Variants in CAMKMT observed in about 807,000 individuals in gnomAD.
The protein encoded by CAMKMT is CaM KMT.
In CAMKMT, 53 loss-of-function variants were observed where a neutral mutation model predicts 48.0. That is an observed-to-expected ratio of 1.10 (90% CI 0.89 to 1.39). The LOEUF is 1.39. Among genes scored for constraint, CAMKMT ranks in the 40% most tolerant of loss-of-function variants. CAMKMT has a pLI of 0.00. For synonymous variants in CAMKMT, 165 were observed against 152.3 expected, an observed-to-expected ratio of 1.08 and a Z score of -0.61; for missense variants, 428 against 402.7, an observed-to-expected ratio of 1.06 and a Z score of -0.54.
At chr2:44,770,666 G>C (rs926192387) in intron 10 of CAMKMT, among the ~76,000 whole-genome samples, 2 of 151,996 alleles carry the variant, frequency 1.3e-5, no homozygotes, top group African/African-American at 4.8e-5. Flanking sequence ...TATTTACAGT[G>C]GTAAGTCCCG....
At chr2:44,371,014 C>T (rs140485882) in intron 1 of CAMKMT, among the ~76,000 whole-genome samples, 16 of 152,194 alleles carry the variant, frequency 1.1e-4, no homozygotes, top group East Asian at 1.9e-4. Flanking sequence ...GGCAGAGTCT[C>T]GCTGTTGTCA....
At chr2:44,544,417 G>A (rs1667284482) in intron 3 of CAMKMT, among the ~76,000 whole-genome samples, 1 of 152,178 alleles carries the variant, frequency 6.6e-6, no homozygotes, top group African/African-American at 2.4e-5. Context: ...TGAATACAGT[G>A]TTAATTAAGC....
At chr2:44,639,871 A>G (rs1673353409) in intron 3 of CAMKMT, among the ~76,000 whole-genome samples, 1 of 152,202 alleles carries the variant, frequency 6.6e-6, no homozygotes, top group Non-Finnish European at 1.5e-5. Flanking sequence ...CACATAATGC[A>G]TTTGTAAATA....
chr2:44,410,680 AAT>A (rs1683143362), intron 3 of CAMKMT, among the ~76,000 whole-genome samples: 1 of 152,172 alleles, frequency 6.6e-6, no homozygotes, highest in Non-Finnish European at 1.5e-5. Flanking sequence ...CCTGTTCTTT[AAT>A]ATGCTAAAAG....
chr2:44,573,325 G>A (rs966950069), intron 3 of CAMKMT, among the ~76,000 whole-genome samples: 1 of 151,726 alleles, frequency 6.6e-6, no homozygotes, highest in Non-Finnish European at 1.5e-5. Flanking sequence ...ATTATGAGTA[G>A]TAATGTCTTG....
intron 3 of CAMKMT, among the ~76,000 whole-genome samples, chr2:44,498,726 T>G (rs913360942): frequency 6.6e-6 from 1 of 152,228 alleles, no homozygotes; most frequent in Non-Finnish European, 1.5e-5. Flanking sequence ...TTTCAGTGAT[T>G]TAATTCCCCT....
At chr2:44,615,893 C>A (rs571574289) in intron 3 of CAMKMT, among the ~76,000 whole-genome samples, 13 of 152,078 alleles carry the variant, frequency 8.5e-5, no homozygotes, top group Non-Finnish European at 1.8e-4. Flanking sequence ...GACATGCAGG[C>A]ATTCATCCCA....
At chr2:44,363,265 A>G (rs1314561085) in intron 1 of CAMKMT, among the ~76,000 whole-genome samples, 1 of 152,232 alleles carries the variant, frequency 6.6e-6, no homozygotes, top group African/African-American at 2.4e-5. Flanking sequence ...GCATGTCCTC[A>G]CAGATCATCA....
chr2:44,420,991 T>C (rs1229768634), intron 3 of CAMKMT, among the ~76,000 whole-genome samples: 1 of 152,176 alleles, frequency 6.6e-6, no homozygotes, highest in East Asian at 1.9e-4. Context: ...AGAAAATTGA[T>C]TCTCAGCTTT....
chr2:44,364,198 A>T (rs1425211254), intron 1 of CAMKMT, among the ~76,000 whole-genome samples: 1 of 151,918 alleles, frequency 6.6e-6, no homozygotes, highest in Non-Finnish European at 1.5e-5. Context: ...GTTCATTCTA[A>T]ATTGCGGTCT....
chr2:44,708,819 G>A (rs1677711916), intron 6 of CAMKMT, among the ~76,000 whole-genome samples: 2 of 152,072 alleles, frequency 1.3e-5, no homozygotes, highest in Non-Finnish European at 2.9e-5. Context: ...AATTTTTAGA[G>A]GGTGGGGGGA....
At chr2:44,659,443 C>T (rs192846191) in intron 3 of CAMKMT, among the ~76,000 whole-genome samples, 11 of 150,754 alleles carry the variant, frequency 7.3e-5, no homozygotes, top group East Asian at 3.9e-4. Flanking sequence ...GAAAAAGTGG[C>T]GGAGGGCGGA....
intron 1 of CAMKMT, among the ~76,000 whole-genome samples, chr2:44,365,293 A>C (rs548381367): frequency 1.3e-5 from 2 of 152,152 alleles, no homozygotes; most frequent in East Asian, 3.9e-4. Flanking sequence ...TATGTTAACT[A>C]TTCAGTATTT....
At chr2:44,417,447 A>G (rs1320182146) in intron 3 of CAMKMT, among the ~76,000 whole-genome samples, 3 of 152,176 alleles carry the variant, frequency 2.0e-5, no homozygotes, top group Non-Finnish European at 2.9e-5. Context: ...TCATTTATGT[A>G]TTCATCTATT....
intron 3 of CAMKMT, among the ~76,000 whole-genome samples, chr2:44,515,052 T>C (rs574037536): frequency 2.0e-5 from 3 of 152,330 alleles, no homozygotes; most frequent in African/African-American, 7.2e-5. Flanking sequence ...TGACCTGATA[T>C]ACTTTTGTGT....
intron 3 of CAMKMT, among the ~76,000 whole-genome samples, chr2:44,421,728 A>C (rs1398175235): frequency 1.3e-5 from 2 of 152,228 alleles, no homozygotes; most frequent in Admixed American, 6.5e-5. Flanking sequence ...AAAACAGAGA[A>C]AACTTAGGGT....
intron 3 of CAMKMT, among the ~76,000 whole-genome samples, chr2:44,479,954 C>G (rs933823409): frequency 6.6e-6 from 1 of 152,128 alleles, no homozygotes; most frequent in Non-Finnish European, 1.5e-5. Context: ...TCCTCTCCCA[C>G]CCTAGCCTTC....
chr2:44,659,075 G>GTTTT (rs1192483405), intron 3 of CAMKMT, among the ~76,000 whole-genome samples: 12 of 86,334 alleles, frequency 1.4e-4, no homozygotes, highest in African/African-American at 3.3e-4. Context: ...TGTGTGTGTA[G>GTTTT]TTTTTTTTTT....
intron 3 of CAMKMT, among the ~76,000 whole-genome samples, chr2:44,551,947 G>C (rs1329078585): frequency 1.3e-5 from 2 of 152,098 alleles, no homozygotes; most frequent in African/African-American, 4.8e-5. Context: ...CTTACTCAGG[G>C]CGAAGTGTAA....
Sources: gnomAD v4.1 joint callset for allele counts (sites outside exome capture counted in the v4.1 genomes callset) on GRCh38, gnomAD v4.1.1 for gene constraint, MANE v1.5 for transcripts, NCBI Gene and HGNC (gene_info 2026-07-23, HGNC 2026-07-21) for gene names.